LIN7A: variants seen among roughly 807,000 people sequenced by gnomAD.
The protein encoded by LIN7A is protein lin-7 homolog A.
A neutral mutation model predicts 29.8 loss-of-function variants in LIN7A; 25 were observed. That is an observed-to-expected ratio of 0.84 (90% CI 0.61 to 1.17). The LOEUF is 1.17. Ranked by LOEUF, LIN7A falls within the 50% of genes most tolerant of loss-of-function variation. The probability of loss-of-function intolerance (pLI) is 0.00; values close to 1 mark genes in which losing one functional copy is unlikely to be tolerated. For missense variants in LIN7A, 239 were observed against 287.0 expected, an observed-to-expected ratio of 0.83 and a Z score of 1.21; for synonymous variants, 118 against 107.5, an observed-to-expected ratio of 1.10 and a Z score of -0.60.
At chr12:80,815,658 A>C (rs923331452) in intron 4 of LIN7A, among the ~76,000 whole-genome samples, 1 of 152,238 alleles carries the variant, frequency 6.6e-6, no homozygotes. Context: ...ACATAGGCTG[A>C]GAAGGTGGTT....
At chr12:80,830,650 A>G (rs964669630) in intron 4 of LIN7A, among the ~76,000 whole-genome samples, 1 of 152,206 alleles carries the variant, frequency 6.6e-6, no homozygotes, top group Non-Finnish European at 1.5e-5. Context: ...TTAATTAGAA[A>G]AAAACTAAAA....
intron 2 of LIN7A, among the ~76,000 whole-genome samples, chr12:80,869,117 T>C (rs1441414379): frequency 6.6e-6 from 1 of 150,504 alleles, no homozygotes; most frequent in Non-Finnish European, 1.5e-5. Context: ...ATGTAGCACT[T>C]TAAACTAAAG....
chr12:80,855,124 G>GA (rs200679961), intron 2 of LIN7A, among the ~76,000 whole-genome samples: 51 of 146,340 alleles, frequency 3.5e-4, no homozygotes, highest in Admixed American at 2.3e-3. Context: ...TCAATGACTG[G>GA]AAAAAAAAAA....
Position 80,881,564 on chromosome 12 carries a change from TA to T in LIN7A, c.201+7686del, listed in dbSNP as rs373996837. Among the ~76,000 whole-genome samples, 71 of 151,892 alleles carry T rather than the reference TA, an allele frequency of 4.7e-4. 1 individual carries two copies. The East Asian group carries it at 4.8e-3, about 10-fold the overall frequency. On this transcript the variant is annotated intron_variant, in intron 2 of 5. Transcript: ENST00000552864. Reference sequence around the variant, plus strand: ...AAAAATATTAAAACATTAAATACATTAAAAAAATATTTTACCATGAACAATT... The same window carrying T: ...AAAAATATTAAAACATTAAATACATTAAAAAATATTTTACCATGAACAATT...
chr12:80,808,507 C>CTTT (rs200750392), intron 5 of LIN7A, among the ~76,000 whole-genome samples: 7 of 137,392 alleles, frequency 5.1e-5, no homozygotes, highest in Admixed American at 3.7e-4. Context: ...TTTCTTTTTT[C>CTTT]TTTTTTTTTT....
intron 1 of LIN7A, among the ~76,000 whole-genome samples, chr12:80,916,865 C>T (rs1877053940): frequency 1.3e-5 from 2 of 152,218 alleles, no homozygotes; most frequent in East Asian, 3.9e-4. Flanking sequence ...CAGCAAGACT[C>T]TGAGGTACTT....
At chr12:80,809,491 G>A (rs1471159901) in intron 5 of LIN7A, among the ~76,000 whole-genome samples, 4 of 152,176 alleles carry the variant, frequency 2.6e-5, no homozygotes, top group African/African-American at 9.7e-5. Flanking sequence ...GGATAGCAAG[G>A]AAAATTTATA....
chr12:80,834,163 A>T (rs1369510898), intron 4 of LIN7A, among the ~76,000 whole-genome samples: 1 of 152,198 alleles, frequency 6.6e-6, no homozygotes, highest in African/African-American at 2.4e-5. Flanking sequence ...GGACTACCAC[A>T]TATATAGTGA....
At chr12:80,915,209 G>A (rs946482490) in intron 1 of LIN7A, among the ~76,000 whole-genome samples, 1 of 147,270 alleles carries the variant, frequency 6.8e-6, no homozygotes, top group Middle Eastern at 3.5e-3. Flanking sequence ...ACTGGGTAAA[G>A]GACATGAACA....
chr12:80,838,662 C>G (rs1365831632), intron 4 of LIN7A, among the ~76,000 whole-genome samples: 1 of 152,182 alleles, frequency 6.6e-6, no homozygotes, highest in African/African-American at 2.4e-5. Context: ...TAAACAGTCC[C>G]CCACTCAGCT....
intron 1 of LIN7A, among the ~76,000 whole-genome samples, chr12:80,926,004 G>C (rs529309615): frequency 6.6e-6 from 1 of 152,210 alleles, no homozygotes; most frequent in East Asian, 1.9e-4. Context: ...CATTGCACTA[G>C]CTCTTTCCTC....
chr12:80,854,485 C>CAAAAAAAAAA lies in LIN7A; in HGVS notation c.202-6164_202-6163insTTTTTTTTTT, dbSNP rs370465323. ...TGAATCTGAAATGCATGTTGCTAAG[C>CAAAAAAAAAA]CAAAAAAAAAAAAAAAAAAAAAAGC... On this transcript the variant is annotated intron_variant, in intron 2 of 5. Transcript: ENST00000552864. Among the ~76,000 whole-genome samples the CAAAAAAAAAA allele has an allele frequency of 5.4e-5, 2 of 37,112 alleles. 1 individual carries two copies. The highest frequency in any genetic ancestry group is 1.9e-4 in the African/African-American group (2 of 10,632). 24.3% of individuals were successfully genotyped at this position (37,112 alleles called of 152,430 possible). A position where few individuals can be genotyped will look rare whatever the true frequency, so the allele number is the denominator to read the frequency against.
intron 4 of LIN7A, among the ~76,000 whole-genome samples, chr12:80,835,374 C>T (rs565701234): frequency 2.3e-4 from 35 of 152,264 alleles, no homozygotes; most frequent in Non-Finnish European, 3.7e-4. Flanking sequence ...GGTGTTGTTA[C>T]ATCAGTCCTG....
At chr12:80,935,883 C>G (rs538871190) in intron 1 of LIN7A, 3 of 419,854 alleles carry the variant, frequency 7.1e-6, no homozygotes, top group Non-Finnish European at 1.6e-5. Context: ...TCTCATCAAC[C>G]GACTGAGGCA....
intron 5 of LIN7A, among the ~76,000 whole-genome samples, chr12:80,810,393 CTGTGTGTG>C (rs71094992): frequency 0.2 from 29,671 of 146,874 alleles, 3,009 homozygotes; most frequent in East Asian, 0.27. Flanking sequence ...TGGTATACAT[CTGTGTGTG>C]TGTGTGTGTG....
intron 1 of LIN7A, among the ~76,000 whole-genome samples, chr12:80,894,002 G>T (rs1002015188): frequency 6.6e-6 from 1 of 152,168 alleles, no homozygotes; most frequent in South Asian, 2.1e-4. Flanking sequence ...GTGATAAATG[G>T]ATATGAGGCT....
intron 1 of LIN7A, among the ~76,000 whole-genome samples, chr12:80,919,124 A>G (rs975760852): frequency 3.2e-4 from 48 of 152,200 alleles, no homozygotes; most frequent in African/African-American, 9.9e-4. Context: ...ATGTATTTCC[A>G]TCGTTAAGGA....
At chr12:80,879,634 A>G (rs1185745891) in intron 2 of LIN7A, among the ~76,000 whole-genome samples, 1 of 116,888 alleles carries the variant, frequency 8.6e-6, no homozygotes, top group African/African-American at 3.0e-5. Flanking sequence ...TGCTGTGTCT[A>G]TGGAGCAGCC....
At chr12:80,874,300 T>C (rs1874574343) in intron 2 of LIN7A, among the ~76,000 whole-genome samples, 1 of 152,204 alleles carries the variant, frequency 6.6e-6, no homozygotes, top group African/African-American at 2.4e-5. Context: ...AAAAGAACTA[T>C]GGGCACATTT....
Sources: allele counts gnomAD v4.1 joint callset (sites outside exome capture counted in the v4.1 genomes callset), GRCh38; gene constraint gnomAD v4.1.1; transcripts MANE v1.5; gene names NCBI Gene and HGNC (gene_info 2026-07-23, HGNC 2026-07-21).